UMODL1: variants seen among roughly 807,000 people sequenced by gnomAD.
UMODL1 encodes the protein uromodulin like 1, also known as uromodulin-like 1.
Under a neutral mutation model 136.3 loss-of-function variants are expected in UMODL1, and 128 were observed. That is an observed-to-expected ratio of 0.94 (90% CI 0.81 to 1.09). The LOEUF (loss-of-function observed/expected upper bound fraction) is 1.09, where lower values mean the gene tolerates loss of function less well. Ranked by LOEUF, UMODL1 falls within the 50% of genes least tolerant of loss-of-function variation. UMODL1 has a pLI of 0.00. For missense variants in UMODL1, 1,766 were observed against 1,725.6 expected (o/e 1.02, Z -0.41); for synonymous variants, 721 against 720.0 (o/e 1.00, Z -0.02).
chr21:42,094,077 G>A, intron 6 of UMODL1: 1 of 404,104 alleles, frequency 2.5e-6, no homozygotes, highest in East Asian at 7.3e-5. Flanking sequence ...AAAAATATTA[G>A]ATTCTATTTA....
At chr21:42,101,633 T>C in intron 7 of UMODL1, 1 of 442,216 alleles carries the variant, frequency 2.3e-6, no homozygotes, top group South Asian at 1.6e-5. Flanking sequence ...TTGAAGCTTT[T>C]TTCCATCTTT....
intron 22 of UMODL1, among the ~76,000 whole-genome samples, chr21:42,140,794 C>T (rs2067271576): frequency 6.6e-6 from 1 of 152,168 alleles, no homozygotes; most frequent in South Asian, 2.1e-4. Flanking sequence ...GGTCCTCAGC[C>T]ACCTCCGGGG....
chr21:42,083,750 A>G (rs1282525269), intron 2 of UMODL1, among the ~76,000 whole-genome samples: 1 of 152,278 alleles, frequency 6.6e-6, no homozygotes, highest in African/African-American at 2.4e-5. Flanking sequence ...GAATGAATGA[A>G]TGAATGAGCT....
At chr21:42,071,262 G>A, upstream of UMODL1, 1 of 1,456,374 alleles carries the variant, frequency 6.9e-7, no homozygotes, top group Non-Finnish European at 9.1e-7. Context: ...GCGTAGCAGA[G>A]ACCCAGGCTT....
Position 42,109,063 on chromosome 21 carries a change from G to C in UMODL1, c.1520-499G>C, listed in dbSNP as rs187025147. On this transcript the variant is annotated intron_variant, in intron 9 of 22. Transcript: ENST00000408910. Reference sequence around the variant, plus strand: ...GCCCCCACCCCCGGCGTGGAAAGCTGGTGTTATACTCCGCTGGACCCCCAC... The same window carrying C: ...GCCCCCACCCCCGGCGTGGAAAGCTCGTGTTATACTCCGCTGGACCCCCAC... Among the ~76,000 whole-genome samples, 21 of 92,972 alleles carry C rather than the reference G, an allele frequency of 2.3e-4. 3 individuals carry two copies. The highest frequency in any genetic ancestry group is 7.1e-4 in the African/African-American group (15 of 21,020). 61.0% of individuals were successfully genotyped at this position (92,972 alleles called of 152,430 possible). A position where few individuals can be genotyped will look rare whatever the true frequency, so the allele number is the denominator to read the frequency against.
intron 4 of UMODL1, among the ~76,000 whole-genome samples, chr21:42,086,251 G>A (rs1486984796): frequency 1.3e-5 from 2 of 152,186 alleles, no homozygotes; most frequent in East Asian, 1.9e-4. Context: ...TGGAAATGCC[G>A]AACACTTTTC....
chr21:42,116,070 C>A, intron 14 of UMODL1, 85 bp downstream of exon 14: 3 of 1,133,442 alleles, frequency 2.6e-6, no homozygotes, highest in South Asian at 1.3e-5. Context: ...CACGGTGGCT[C>A]ACCCCTGTAA....
intron 2 of UMODL1, among the ~76,000 whole-genome samples, chr21:42,080,500 T>C (rs916547296): frequency 2.6e-5 from 4 of 152,152 alleles, no homozygotes; most frequent in Admixed American, 1.3e-4. Context: ...TAATGACTTA[T>C]GCAAAAAAGG....
chr21:42,110,858 G>A, intron 10 of UMODL1, 22 bp from the exon 11 acceptor site: 2 of 1,580,422 alleles, frequency 1.3e-6, no homozygotes, highest in Non-Finnish European at 1.7e-6. Flanking sequence ...AGCAGGCTCT[G>A]ACAGTGGATG....
intron 13 of UMODL1, among the ~76,000 whole-genome samples, chr21:42,114,759 A>G (rs1479032632): frequency 1.3e-5 from 2 of 152,210 alleles, no homozygotes; most frequent in East Asian, 3.8e-4. Flanking sequence ...GCTGGAGAGG[A>G]GGGAGATCAG....
intron 21 of UMODL1, among the ~76,000 whole-genome samples, chr21:42,133,854 AC>A (rs991355287): frequency 5.3e-4 from 81 of 152,156 alleles, no homozygotes; most frequent in African/African-American, 1.8e-3. Context: ...GCCATGCCCC[AC>A]AGTACTAAGG....
chr21:42,108,204 C>A (rs1005593432), intron 9 of UMODL1: 7 of 450,946 alleles, frequency 1.6e-5, no homozygotes. Context: ...TTTGAGCCAG[C>A]GTCTTGCCTG....
upstream of UMODL1, among the ~76,000 whole-genome samples, chr21:42,068,894 T>C (rs1219507718): frequency 2.0e-5 from 3 of 152,244 alleles, no homozygotes; most frequent in Non-Finnish European, 4.4e-5. This position sits in a 1 kb window ranked among gnomAD's most constrained non-coding sequence, Gnocchi z 5.5. Context: ...TGCCTGGGCA[T>C]GTGTGCCCTG....
chr21:42,075,854 T>G, intron 1 of UMODL1, 151 bp from the exon 2 acceptor site: 1 of 1,116,156 alleles, frequency 9.0e-7, no homozygotes, highest in Non-Finnish European at 1.3e-6. Flanking sequence ...CAAAGGCCAG[T>G]GGAGAGGGCT....
chr21:42,097,385 C>A (rs1286214918), intron 6 of UMODL1, among the ~76,000 whole-genome samples: 5 of 152,180 alleles, frequency 3.3e-5, no homozygotes, highest in African/African-American at 1.2e-4. Context: ...TCAAAGGAGG[C>A]AGCTCAGTCT....
At chr21:42,107,315 G>A (rs897908795) in intron 9 of UMODL1, among the ~76,000 whole-genome samples, 2 of 152,204 alleles carry the variant, frequency 1.3e-5, no homozygotes, top group Non-Finnish European at 2.9e-5. Context: ...AAGAGGCCTT[G>A]TGGGTCTTCT....
In UMODL1 at chr21:42,110,962, C is replaced by T; in HGVS notation, c.1740C>T (p.Ala580=). Residue 580 remains alanine, a synonymous_variant, in exon 11 of 23, where the codon GCC becomes GCT. Coordinates refer to ENST00000408910, the MANE Select transcript of UMODL1 (RefSeq NM_001004416.3). ...CAGGTCTTGGCACGGGAACAGCAGC[C>T]CTCGGCCTAGAGAACTTCACCTTGT... ...TVPGLGTGTA[A]LGLENFTLSP... is the part of the protein sequence containing the mutation. The T allele has an allele frequency of 6.2e-7, 1 of 1,613,202 alleles. No homozygotes were observed. The highest frequency in any genetic ancestry group is 8.5e-7 in the Non-Finnish European group (1 of 1,179,816).
At chr21:42,115,661 G>T (rs566306903) in intron 13 of UMODL1, among the ~76,000 whole-genome samples, 1 of 152,304 alleles carries the variant, frequency 6.6e-6, no homozygotes, top group South Asian at 2.1e-4. Context: ...CCTCTGGAAG[G>T]TTCTCCCACT....
intron 20 of UMODL1, among the ~76,000 whole-genome samples, chr21:42,129,412 G>A (rs1257575140): frequency 6.6e-6 from 1 of 152,160 alleles, no homozygotes; most frequent in Non-Finnish European, 1.5e-5. Flanking sequence ...CAGTCCTCAA[G>A]GGACCCAAGG....
Sources: allele counts gnomAD v4.1 joint callset (sites outside exome capture counted in the v4.1 genomes callset), GRCh38; gene constraint gnomAD v4.1.1; non-coding constraint Gnocchi (gnomAD v3.1); transcripts MANE v1.5; gene names NCBI Gene and HGNC (gene_info 2026-07-23, HGNC 2026-07-21).